P3H1: variants seen among roughly 807,000 people sequenced by gnomAD.
P3H1 encodes the protein growth suppressor 1.
A neutral mutation model predicts 84.0 loss-of-function variants in P3H1; 69 were observed. That is an observed-to-expected ratio of 0.82 (90% confidence interval 0.68 to 1.00). The LOEUF is 1.00. P3H1 is among the 50% of genes least tolerant of loss of function. The pLI is 0.00. For synonymous variants in P3H1, 366 were observed against 388.8 expected (o/e 0.94, Z 0.69); for missense variants, 878 against 962.8 (o/e 0.91, Z 1.17).
At position 42,755,639 on chromosome 1, in the gene P3H1, T is replaced by C; in HGVS notation, c.1081-2A>G. 1 of 1,612,896 alleles carries C rather than the reference T, an allele frequency of 6.2e-7. No homozygotes were observed. Among genetic ancestry groups the C allele is most frequent in the Non-Finnish European group, 8.5e-7 (1 of 1,178,926 alleles). On this transcript the variant is annotated splice_acceptor_variant, in intron 5 of 14. Coordinates refer to ENST00000296388, the MANE Select transcript of P3H1 (RefSeq NM_022356.4). LOFTEE classifies it high-confidence loss of function. ...TCGCTGTCGGTACTCCTTGGCACTC[T>C]GAGGGTAAAAAAGCAAACAAATCCC... is the stretch of plus-strand genomic sequence containing the variant.
At chr1:42,747,128 G>T (rs1450299786) in intron 14 of P3H1, 144 bp downstream of exon 14, 47 of 1,614,082 alleles carry the variant, frequency 2.9e-5, no homozygotes, top group Non-Finnish European at 4.0e-5. Flanking sequence ...ATAATGACAG[G>T]GCGTTGGAGC....
intron 4 of P3H1, among the ~76,000 whole-genome samples, chr1:42,758,537 T>C (rs1161857948): frequency 2.6e-5 from 4 of 152,234 alleles, no homozygotes; most frequent in Non-Finnish European, 4.4e-5. Context: ...AAATGTCCTC[T>C]GAGCTAGTTT....
At chr1:42,756,499 A>G (rs1178549987) in intron 5 of P3H1, 1 of 154,420 alleles carries the variant, frequency 6.5e-6, no homozygotes, top group Non-Finnish European at 1.5e-5. Context: ...GAAAAAGGAG[A>G]CATCAGTTGA....
chr1:42,758,098 A>C (rs1158050018), intron 4 of P3H1, among the ~76,000 whole-genome samples, 176 bp from the exon 5 acceptor site: 1 of 152,234 alleles, frequency 6.6e-6, no homozygotes, highest in Admixed American at 6.5e-5. Flanking sequence ...GAGTTAAGTA[A>C]TACACATAGA....
chr1:42,750,956 C>T (rs1347005990), intron 10 of P3H1, among the ~76,000 whole-genome samples: 6 of 124,766 alleles, frequency 4.8e-5, no homozygotes, highest in Non-Finnish European at 8.7e-5. Context: ...GGGGGGTCAG[C>T]CCCCCGCCCG....
Position 42,746,758 on chromosome 1 carries a change from G to T in P3H1, c.2150C>A (p.Pro717His), listed in dbSNP as rs750057250. The change falls in exon 15 of 15, where the codon CCC becomes CAC. Residue 717 changes from proline to histidine, a missense_variant. Physicochemically the swap from Pro to His is moderately conservative, Grantham distance 77. Transcript: ENST00000296388. ...QEQPLDAQQG[P>H]PEPAQESLSG... ...GAGAGACTCTTGTGCAGGTTCGGGG[G>T]GGCCCTGCTGGGCATCCAGGGGCTG... 1.3e-6 allele frequency: 2 copies of T among 1,555,650 alleles called. No individual in the cohort carries two copies. The highest frequency in any genetic ancestry group is 1.4e-5 in the African/African-American group (1 of 73,202).
intron 4 of P3H1, among the ~76,000 whole-genome samples, chr1:42,758,367 G>A (rs1159443507): frequency 6.6e-6 from 1 of 152,098 alleles, no homozygotes; most frequent in Non-Finnish European, 1.5e-5. Flanking sequence ...AGTTCTTGTT[G>A]ATATTTGTTA....
chr1:42,758,015 C>G lies in P3H1; in HGVS notation c.941-93G>C, dbSNP rs116535864. ...GGGACCACTTAGTGTTCAGTCTCCACAAAGCTTGAGGCAATGGCAGCATGA... is the reference window on the plus strand; with the variant it reads ...GGGACCACTTAGTGTTCAGTCTCCAGAAAGCTTGAGGCAATGGCAGCATGA... On this transcript the variant is annotated intron_variant, in intron 4 of 14. Transcript: ENST00000296388. 2,480 of 1,214,830 alleles carry G rather than the reference C, an allele frequency of 2.0e-3. 44 individuals carry two copies. The African/African-American group carries it at 0.033, about 16-fold the overall frequency. 75.3% of individuals were successfully genotyped at this position (1,214,830 alleles called of 1,614,324 possible).
rs1570474490 is a variant in P3H1 at position 42,759,389 on chromosome 1, T to C, written c.620A>G (p.Gln207Arg). 6.2e-7 allele frequency: 1 copy of C among 1,614,040 alleles called. No homozygotes were observed. The highest frequency in any genetic ancestry group is 8.5e-7 in the Non-Finnish European group (1 of 1,179,958). Residue 207 changes from glutamine (Q) to arginine (R), a missense_variant and splice_region_variant, in exon 3 of 15, where the codon CAA (glutamine) becomes CGA (arginine). Physicochemically the swap from Gln to Arg is conservative, Grantham distance 43. Coordinates refer to ENST00000296388, the MANE Select transcript of P3H1 (RefSeq NM_022356.4). ...FKDLETQPHM[Q>R]EFRLGVRLYS... ...GAGTCGCACTCCCAGTCGAAATTCT[T>C]GCTACTGGGAAGAAGGAGCACTCAA...
intron 5 of P3H1, among the ~76,000 whole-genome samples, chr1:42,756,945 C>T (rs1406624502): frequency 6.6e-6 from 1 of 152,256 alleles, no homozygotes; most frequent in Non-Finnish European, 1.5e-5. Flanking sequence ...CCACCCCGCA[C>T]AGAGCTTCGC....
At chr1:42,761,813 G>A (rs1652733752) in intron 2 of P3H1, 1 of 163,938 alleles carries the variant, frequency 6.1e-6, no homozygotes, top group Non-Finnish European at 1.3e-5. Flanking sequence ...TTGAGCCCAG[G>A]AGGTCAAGGC....
At chr1:42,758,659 T>C (rs531239078) in intron 4 of P3H1, among the ~76,000 whole-genome samples, 193 bp downstream of exon 4, 6 of 152,294 alleles carry the variant, frequency 3.9e-5, no homozygotes, top group East Asian at 3.9e-4. Flanking sequence ...CCCCAGCTTT[T>C]TGGGTTGCTG....
intron 1 of P3H1, among the ~76,000 whole-genome samples, chr1:42,763,483 C>A (rs1015866753): frequency 1.1e-4 from 16 of 151,272 alleles, no homozygotes; most frequent in African/African-American, 3.9e-4. Context: ...ACCAGCCTGG[C>A]CAACATGGTG....
At chr1:42,750,713 G>A (rs545772639) in intron 10 of P3H1, among the ~76,000 whole-genome samples, 57 of 122,764 alleles carry the variant, frequency 4.6e-4, no homozygotes, top group South Asian at 8.2e-4. Flanking sequence ...CCCCCCGCCC[G>A]GCCGGCCGCC....
At position 42,747,131 on chromosome 1, in the gene P3H1, G is replaced by A. The variant is rs370150778; in HGVS notation, c.2055+141C>T. 97 of 1,614,202 alleles carry A rather than the reference G, an allele frequency of 6.0e-5. 1 individual carries two copies. The highest frequency in any genetic ancestry group is 2.4e-4 in the African/African-American group (18 of 75,040). On this transcript the variant is annotated intron_variant, in intron 14 of 14. Coordinates refer to ENST00000296388, the MANE Select transcript of P3H1 (RefSeq NM_022356.4). Reference sequence around the variant, plus strand: ...GGCAATGTGACCATAATGACAGGGCGTTGGAGCTGGTGTCCCAAGTGCTCC... The same window carrying A: ...GGCAATGTGACCATAATGACAGGGCATTGGAGCTGGTGTCCCAAGTGCTCC...
At position 42,746,710 on chromosome 1, in the gene P3H1, T is replaced by C. The variant is rs769986758; in HGVS notation, c.2198A>G (p.Lys733Arg). The change falls in exon 15 of 15, where the codon AAG (lysine) becomes AGG (arginine). Residue 733 changes from lysine to arginine, a missense_variant. Coordinates refer to ENST00000296388, the MANE Select transcript of P3H1 (RefSeq NM_022356.4). ...ACCTGGACGCTGTCATAGCTCATCC[T>C]TGGGCTTCGATTCACTGCCTGAGAG... ...ESLSGSESKP[K>R]DEL 1.0e-4 allele frequency: 159 copies of C among 1,551,626 alleles called. 1 individual carries two copies. Among genetic ancestry groups the C allele is most frequent in the Non-Finnish European group, 8.7e-6 (10 of 1,146,984 alleles).
Position 42,766,720 on chromosome 1 carries a change from C to A in P3H1, c.252G>T (p.Pro84=). The A allele has an allele frequency of 1.9e-6, 3 of 1,558,830 alleles. No homozygotes were observed. The highest frequency in any genetic ancestry group is 2.6e-6 in the Non-Finnish European group (3 of 1,152,124). The change falls in exon 1 of 15, where the codon CCG becomes CCT. Residue 84 remains proline, a synonymous_variant. Transcript: ENST00000296388. ...RCRTQCAADF[P]WELDPDWSPS... ...GGGACCAGTCGGGGTCCAGCTCCCA[C>A]GGGAAGTCGGCGGCACACTGGGTGC...
Position 42,747,240 on chromosome 1 carries a change from CAGCTGCTCTCACCCGCTCG to C in P3H1, c.2055+13_2055+31del. On this transcript the variant is annotated intron_variant, in intron 14 of 14. Transcript: ENST00000296388. Reference sequence around the variant, plus strand: ...CTCTGGGAACGGGTCACCACAGCACCAGCTGCTCTCACCCGCTCGAGCTGCTCTCACCCGCTCGCTGTGT... The same window carrying C: ...CTCTGGGAACGGGTCACCACAGCACCAGCTGCTCTCACCCGCTCGCTGTGT... 295 of 1,614,152 alleles carry C rather than the reference CAGCTGCTCTCACCCGCTCG, an allele frequency of 1.8e-4. No homozygotes were observed. Among genetic ancestry groups the C allele is most frequent in the African/African-American group, 2.7e-4 (20 of 75,054 alleles).
intron 4 of P3H1, among the ~76,000 whole-genome samples, chr1:42,758,253 C>T (rs544065816): frequency 1.3e-5 from 2 of 152,342 alleles, no homozygotes; most frequent in East Asian, 1.9e-4. Context: ...TGCCTCAATA[C>T]ACTCAATCAT....
Sources: gnomAD v4.1 joint callset for allele counts (sites outside exome capture counted in the v4.1 genomes callset) on GRCh38, gnomAD v4.1.1 for gene constraint, MANE v1.5 for transcripts, NCBI Gene and HGNC (gene_info 2026-07-23, HGNC 2026-07-21) for gene names.